The following XPR1 variants were observed in gnomAD, a reference collection of about 807,000 sequenced individuals.
The protein encoded by XPR1 is solute carrier family 53 member 1.
A neutral mutation model predicts 87.5 loss-of-function variants in XPR1; 28 were observed. The ratio of observed to expected loss-of-function variants is 0.32; its 90% CI spans 0.24 to 0.44. The LOEUF (loss-of-function observed/expected upper bound fraction) is 0.44, where lower values mean the gene tolerates loss of function less well. Among genes scored for constraint, XPR1 ranks in the 20% least tolerant of loss-of-function variants. XPR1 has a pLI of 1.00. For missense variants in XPR1, 559 were observed against 862.3 expected (o/e 0.65, Z 4.41); for synonymous variants, 300 against 306.1 (o/e 0.98, Z 0.21).
intron 10 of XPR1, 100 bp downstream of exon 10, chr1:180,835,145 C>T (rs2102167992): frequency 7.9e-7 from 1 of 1,264,890 alleles, no homozygotes; most frequent in South Asian, 1.8e-5. Context: ...TGAAAACTTA[C>T]CCAATAATAT....
intron 14 of XPR1, among the ~76,000 whole-genome samples, 158 bp from the exon 15 acceptor site, chr1:180,883,848 G>A (rs188694930): frequency 1.2e-3 from 183 of 152,144 alleles, no homozygotes; most frequent in Middle Eastern, 0.01. Context: ...ATCTGAAATT[G>A]AATAGGAAAC....
chr1:180,830,397 A>G (rs1403380250), intron 9 of XPR1, among the ~76,000 whole-genome samples: 4 of 152,186 alleles, frequency 2.6e-5, no homozygotes, highest in Non-Finnish European at 5.9e-5. Flanking sequence ...GATGTCCCAC[A>G]GACACCTGGT....
chr1:180,648,009 G>A (rs1435272522), intron 1 of XPR1, among the ~76,000 whole-genome samples: 2 of 151,696 alleles, frequency 1.3e-5, no homozygotes, highest in Non-Finnish European at 2.9e-5. Flanking sequence ...CTAGTCAGAT[G>A]TGGTTGTTTA....
At position 180,886,530 on chromosome 1, in the gene XPR1, A is replaced by G. The variant is rs1208075810; in HGVS notation, c.*2464A>G. ...AGGCCCTAATCGGTCTTATTCTTTC[A>G]CATATGATGCAATGATAGATGTAAT... On this transcript the variant is annotated 3_prime_UTR_variant, in exon 15 of 15. Transcript: ENST00000367590. The G allele has an allele frequency of 6.6e-6, 1 of 152,180 alleles. No individual in the cohort carries two copies. The highest frequency in any genetic ancestry group is 1.5e-5 in the Non-Finnish European group (1 of 68,028). The allele number at this position is 152,180 out of a possible 1,614,324, so 9.4% of individuals were successfully genotyped here. A position where few individuals can be genotyped will look rare whatever the true frequency, so the allele number is the denominator to read the frequency against.
At chr1:180,761,714 A>G (rs944721068) in intron 2 of XPR1, among the ~76,000 whole-genome samples, 19 of 152,238 alleles carry the variant, frequency 1.2e-4, no homozygotes, top group East Asian at 5.8e-4. Flanking sequence ...TCAGTGTGGC[A>G]ATTCCTCAGG....
At chr1:180,657,589 G>A (rs567390057) in intron 1 of XPR1, among the ~76,000 whole-genome samples, 1 of 152,190 alleles carries the variant, frequency 6.6e-6, no homozygotes, top group Non-Finnish European at 1.5e-5. Context: ...TGTTGAAAAT[G>A]AGTTCAGTTT....
intron 2 of XPR1, among the ~76,000 whole-genome samples, chr1:180,750,235 A>G (rs1647476049): frequency 6.6e-6 from 1 of 152,076 alleles, no homozygotes; most frequent in Non-Finnish European, 1.5e-5. Flanking sequence ...TCACAGGCCC[A>G]TTTTCTTTTT....
At chr1:180,705,675 C>G (rs979699078) in intron 2 of XPR1, among the ~76,000 whole-genome samples, 1 of 152,134 alleles carries the variant, frequency 6.6e-6, no homozygotes, top group Non-Finnish European at 1.5e-5. Flanking sequence ...GATCCTCTAA[C>G]ATGTTAGCAA....
chr1:180,837,262 A>G (rs1313233156), intron 11 of XPR1, among the ~76,000 whole-genome samples: 1 of 151,910 alleles, frequency 6.6e-6, no homozygotes, highest in South Asian at 2.1e-4. Context: ...ACATGCAGCC[A>G]CTCCTTTTGA....
At position 180,874,447 on chromosome 1, in the gene XPR1, T is replaced by C. The variant is rs535193434; in HGVS notation, c.1808+505T>C. ...GCTCACTCCTGTAATCCCAACACTT[T>C]GGGAGGCCGAGGCCGGTGGATCACC... On this transcript the variant is annotated intron_variant, in intron 13 of 14. Coordinates refer to ENST00000367590, the MANE Select transcript of XPR1 (RefSeq NM_004736.4). 4.6e-5 allele frequency among the ~76,000 whole-genome samples: 7 copies of C among 151,278 alleles called. No homozygotes were observed. The South Asian group carries it at 1.3e-3, about 28-fold the overall frequency.
chr1:180,830,697 A>G (rs1651025671), intron 9 of XPR1, among the ~76,000 whole-genome samples: 1 of 152,214 alleles, frequency 6.6e-6, no homozygotes, highest in Non-Finnish European at 1.5e-5. Context: ...TAAGATAGAA[A>G]GGGGTCCTTT....
intron 11 of XPR1, among the ~76,000 whole-genome samples, chr1:180,852,610 G>A (rs1039569785): frequency 6.6e-6 from 1 of 152,206 alleles, no homozygotes. Context: ...GTGCAATGGT[G>A]TAATCTCAGC....
Position 180,694,260 on chromosome 1 carries a change from A to G in XPR1, c.121+11849A>G, listed in dbSNP as rs559398867. Among the ~76,000 whole-genome samples, 77 of 152,218 alleles carry G rather than the reference A, an allele frequency of 5.1e-4. No individual in the cohort carries two copies. The South Asian group carries it at 0.016, about 31-fold the overall frequency. ...AGGCATGAGCTGCCATTCTCAGCCT[A>G]CTATATCCATGCTTTTACATTTAAA... On this transcript the variant is annotated intron_variant, in intron 2 of 14. Transcript: ENST00000367590.
intron 1 of XPR1, among the ~76,000 whole-genome samples, chr1:180,672,403 A>G (rs531958789): frequency 1.3e-5 from 2 of 152,246 alleles, no homozygotes; most frequent in South Asian, 4.1e-4. Flanking sequence ...TTTGTGTAAG[A>G]GTTTTTCTTG....
chr1:180,868,611 T>G (rs1652461803), intron 12 of XPR1, among the ~76,000 whole-genome samples: 1 of 131,542 alleles, frequency 7.6e-6, no homozygotes, highest in Non-Finnish European at 1.6e-5. Context: ...TTTGGCTCTC[T>G]GTTTGTCTGT....
At chr1:180,738,065 G>A (rs577288588) in intron 2 of XPR1, among the ~76,000 whole-genome samples, 7 of 152,134 alleles carry the variant, frequency 4.6e-5, no homozygotes, top group Admixed American at 2.0e-4. Flanking sequence ...AGGCTGGAGC[G>A]CAGTGGCACG....
chr1:180,632,673 C>T (rs1654629730), intron 1 of XPR1, among the ~76,000 whole-genome samples: 1 of 152,252 alleles, frequency 6.6e-6, no homozygotes. Context: ...TGGGCGAGCG[C>T]CCCCTCGCCA....
chr1:180,726,861 A>T (rs935168869), intron 2 of XPR1, among the ~76,000 whole-genome samples: 1 of 151,850 alleles, frequency 6.6e-6, no homozygotes, highest in Non-Finnish European at 1.5e-5. Flanking sequence ...GAATATTTTT[A>T]AATGTATGTT....
At chr1:180,660,016 G>C (rs994634143) in intron 1 of XPR1, among the ~76,000 whole-genome samples, 1 of 152,110 alleles carries the variant, frequency 6.6e-6, no homozygotes, top group Admixed American at 6.5e-5. Flanking sequence ...TTTGCTGGGA[G>C]ACTTTTTATT....
Sources: gnomAD v4.1 joint callset for allele counts (sites outside exome capture counted in the v4.1 genomes callset) on GRCh38, gnomAD v4.1.1 for gene constraint, MANE v1.5 for transcripts, NCBI Gene and HGNC (gene_info 2026-07-23, HGNC 2026-07-21) for gene names.